Variants in KSR1 observed in about 807,000 individuals in gnomAD.
The protein encoded by KSR1 is kinase suppressor of ras.
A neutral mutation model predicts 92.9 loss-of-function variants in KSR1; 35 were observed. That is an observed-to-expected ratio of 0.38 (90% CI 0.29 to 0.50). KSR1 has a LOEUF of 0.50. Ranked by LOEUF, KSR1 falls within the 20% of genes least tolerant of loss-of-function variation. The pLI, the probability that KSR1 is intolerant of heterozygous loss-of-function variation, is 0.94. For missense variants in KSR1, 972 were observed against 1,158.5 expected (o/e 0.84, Z 2.34); for synonymous variants, 467 against 472.6 (o/e 0.99, Z 0.15).
At position 27,577,547 on chromosome 17, in the gene KSR1, T is replaced by C. The variant is rs765744052; in HGVS notation, c.428T>C (p.Val143Ala). 3.1e-6 allele frequency: 5 copies of C among 1,603,884 alleles called. No homozygotes were observed. In the Admixed American group the frequency reaches 5.0e-5, roughly 16 times the overall value. ...DALLEMNEAK[V>A]KETLRRCGAS... is the part of the protein sequence containing the mutation. ...CTGCTGGAGATGAATGAGGCCAAGG[T>C]GAAGGAGACGCTGCGGCGCTGTGGG... is the stretch of plus-strand genomic sequence containing the variant. The change falls in exon 3 of 21, where the codon GTG becomes GCG. Residue 143 changes from valine (V) to alanine (A), a missense_variant. Transcript: ENST00000644974. The surrounding 1 kb of genome is among the most constrained non-coding windows in gnomAD (Gnocchi z 4.5).
intron 2 of KSR1, among the ~76,000 whole-genome samples, chr17:27,556,994 G>A (rs2071620245): frequency 6.6e-6 from 1 of 152,230 alleles, no homozygotes; most frequent in African/African-American, 2.4e-5. Context: ...CATGGAGGGG[G>A]AGGAGTGCCA....
At chr17:27,612,234 G>A (rs747438173) in intron 18 of KSR1, among the ~76,000 whole-genome samples, 2 of 152,210 alleles carry the variant, frequency 1.3e-5, no homozygotes, top group East Asian at 1.9e-4. Flanking sequence ...GTTGCACTGG[G>A]AATATGCATG....
Position 27,609,375 on chromosome 17 carries a change from G to A in KSR1, c.2225+46G>A, listed in dbSNP as rs1373491753. On this transcript the variant is annotated intron_variant, in intron 16 of 20. Transcript: ENST00000644974. The stretch of plus-strand genomic sequence containing the variant: ...TGGGTGGGTTGTGGGTGCTGGATGG[G>A]GAAGAGCAGGGCTGAGGTCTGGGCA... 6.2e-6 allele frequency: 10 copies of A among 1,608,998 alleles called. No homozygotes were observed. The Admixed American group carries it at 1.7e-4, about 27-fold the overall frequency.
chr17:27,619,963 G>A (rs1036254429), intron 19 of KSR1, among the ~76,000 whole-genome samples: 1 of 152,176 alleles, frequency 6.6e-6, no homozygotes, highest in Non-Finnish European at 1.5e-5. Context: ...CTCCCACAGT[G>A]CTGGGATTAC....
intron 1 of KSR1, among the ~76,000 whole-genome samples, chr17:27,480,836 GT>G (rs1487488801): frequency 3.9e-5 from 6 of 152,214 alleles, no homozygotes; most frequent in African/African-American, 1.4e-4. Flanking sequence ...CCATTGAGTA[GT>G]TTTCCGATGT....
intron 3 of KSR1, among the ~76,000 whole-genome samples, chr17:27,582,235 C>T (rs2072789582): frequency 6.6e-6 from 1 of 152,138 alleles, no homozygotes; most frequent in South Asian, 2.1e-4. Flanking sequence ...ATGCTTAGAA[C>T]AAGAAGTGTT....
rs767685421 is a variant in KSR1 at position 27,582,735 on chromosome 17, G to A, written c.610G>A (p.Ala204Thr). 1.9e-5 allele frequency: 30 copies of A among 1,613,760 alleles called. No individual in the cohort carries two copies. The African/African-American group carries it at 3.5e-4, about 19-fold the overall frequency. ...SGPSTDTLSA[A>T]SLPWPPGSSQ... is the part of the protein sequence containing the mutation. ...GCCTTCCACGGACACCCTCTCAGCA[G>A]CCAGCCTGCCCTGGCCCCCAGGGAG... Residue 204 changes from alanine to threonine, a missense_variant, in exon 4 of 21, where the codon GCC becomes ACC. Physicochemically the swap from Ala to Thr is moderately conservative, Grantham distance 58. Coordinates refer to ENST00000644974, the MANE Select transcript of KSR1 (RefSeq NM_001394583.1).
rs569738697 is a variant in KSR1 at position 27,582,813 on chromosome 17, G to A, written c.688G>A (p.Val230Met). The A allele has an allele frequency of 1.1e-5, 18 of 1,613,366 alleles. No homozygotes were observed. The highest frequency in any genetic ancestry group is 2.2e-5 in the East Asian group (1 of 44,868). Residue 230 changes from valine (V) to methionine (M), a missense_variant, in exon 4 of 21, where the codon GTG (valine) becomes ATG (methionine). Physicochemically the swap from Val to Met is conservative, Grantham distance 21. This residue lies in a region of KSR1 where 611 missense variants were observed against 668.0 expected (regional missense o/e 0.91). Coordinates refer to ENST00000644974, the MANE Select transcript of KSR1 (RefSeq NM_001394583.1). ...NSAQGPRSIS[V>M]SALPASDSPT... ...CGCCCAGGGCCCACGCTCCATCTCC[G>A]TGTCAGCTCTGCCCGCCTCAGACTC... is the stretch of plus-strand genomic sequence containing the variant.
intron 4 of KSR1, among the ~76,000 whole-genome samples, chr17:27,583,737 A>C (rs569473937): frequency 1.3e-5 from 2 of 152,372 alleles, no homozygotes; most frequent in South Asian, 4.1e-4. Flanking sequence ...ATCTCTGAGA[A>C]CATCATGTCA....
intron 18 of KSR1, among the ~76,000 whole-genome samples, chr17:27,615,219 T>C (rs549248372): frequency 6.6e-6 from 1 of 152,358 alleles, no homozygotes; most frequent in African/African-American, 2.4e-5. Flanking sequence ...AGCTCTCCCA[T>C]TACTTATTGT....
chr17:27,609,898 CA>C (rs2073867379), intron 16 of KSR1, 168 bp from the exon 17 acceptor site: 1 of 741,396 alleles, frequency 1.3e-6, no homozygotes. Flanking sequence ...TAGAATTCCT[CA>C]AAAGCACCGG....
At chr17:27,579,072 T>C (rs183490366) in intron 3 of KSR1, 267 of 152,398 alleles carry the variant, frequency 1.8e-3, no homozygotes, top group African/African-American at 5.7e-3. Context: ...GTTTCTTCTC[T>C]CTCATTTAGT....
chr17:27,621,579 C>G (rs530488679), intron 20 of KSR1, among the ~76,000 whole-genome samples: 9 of 152,134 alleles, frequency 5.9e-5, no homozygotes, highest in Non-Finnish European at 1.5e-5. Flanking sequence ...GGATCCCAGT[C>G]CCCCTGGCCA....
chr17:27,601,395 T>A lies in KSR1; in HGVS notation c.1504T>A (p.Phe502Ile). 1 of 1,613,482 alleles carries A rather than the reference T, an allele frequency of 6.2e-7. No individual in the cohort carries two copies. The highest frequency in any genetic ancestry group is 8.5e-7 in the Non-Finnish European group (1 of 1,179,428). The change falls in exon 11 of 21, where the codon TTT (phenylalanine) becomes ATT (isoleucine). Residue 502 changes from phenylalanine (F) to isoleucine (I), a missense_variant. Around this residue, in one of 5 missense-constraint regions of KSR1, gnomAD observed 611 missense variants for 668.0 expected, o/e 0.91. Coordinates refer to ENST00000644974, the MANE Select transcript of KSR1 (RefSeq NM_001394583.1). ...YFIHHRQQFI[F>I]PDISAFAHAA... ...CATTCATCATAGACAGCAGTTTATCTTTCCAGGTGAGTCCTTTGCATGGTT... is the reference window on the plus strand; with the variant it reads ...CATTCATCATAGACAGCAGTTTATCATTCCAGGTGAGTCCTTTGCATGGTT...
intron 1 of KSR1, among the ~76,000 whole-genome samples, chr17:27,511,844 G>A (rs1472087224): frequency 1.3e-5 from 2 of 152,230 alleles, no homozygotes; most frequent in African/African-American, 4.8e-5. Flanking sequence ...TTTGCTTCCT[G>A]CCACACGTGG....
chr17:27,585,685 C>A, intron 5 of KSR1, 24 bp downstream of exon 5: 1 of 759,968 alleles, frequency 1.3e-6, no homozygotes, highest in East Asian at 2.5e-5. Context: ...ATTTCCATCC[C>A]CTCTACCACC....
chr17:27,507,093 T>TA (rs1052103452), intron 1 of KSR1, among the ~76,000 whole-genome samples: 2 of 152,210 alleles, frequency 1.3e-5, no homozygotes, highest in East Asian at 3.8e-4. Context: ...GTGTGCAGTG[T>TA]AAAAATGCTT....
intron 1 of KSR1, among the ~76,000 whole-genome samples, chr17:27,496,239 C>T (rs2068981285): frequency 6.6e-6 from 1 of 152,146 alleles, no homozygotes; most frequent in South Asian, 2.1e-4. Flanking sequence ...GATGCCTCAT[C>T]TCCAGCCACC....
At chr17:27,507,563 CTTTTTT>C (rs751092460) in intron 1 of KSR1, among the ~76,000 whole-genome samples, 97 of 43,272 alleles carry the variant, frequency 2.2e-3, no homozygotes, top group Admixed American at 3.2e-3. Flanking sequence ...TATTGTTTGG[CTTTTTT>C]TTTTTTTTTT....
Sources: gnomAD v4.1 joint callset for allele counts (sites outside exome capture counted in the v4.1 genomes callset) on GRCh38, gnomAD v4.1.1 for gene constraint, gnomAD v4.1.1 regional missense constraint, Gnocchi (gnomAD v3.1) non-coding constraint, MANE v1.5 for transcripts, NCBI Gene and HGNC (gene_info 2026-07-23, HGNC 2026-07-21) for gene names.